Variants in RREB1 observed in about 807,000 individuals in gnomAD.
The protein encoded by RREB1 is ras-responsive element-binding protein 1.
RREB1 carries 27 observed loss-of-function variants against 117.8 expected under a neutral mutation model. That is an observed-to-expected ratio of 0.23 (90% confidence interval 0.17 to 0.32). The LOEUF is 0.32. Among genes scored for constraint, RREB1 ranks in the 10% least tolerant of loss-of-function variants. The probability of loss-of-function intolerance (pLI) is 1.00; values close to 1 mark genes in which losing one functional copy is unlikely to be tolerated. For synonymous variants in RREB1, 1,298 were observed against 1,026.7 expected (o/e 1.26, Z -5.05); for missense variants, 2,577 against 2,378.2 (o/e 1.08, Z -1.74).
At chr6:7,166,901 T>C (rs574805711) in intron 1 of RREB1, among the ~76,000 whole-genome samples, 3 of 152,168 alleles carry the variant, frequency 2.0e-5, no homozygotes, top group African/African-American at 7.2e-5. Context: ...TGTGAAAGAG[T>C]TGCAGGATAT....
chr6:7,170,268 T>G (rs754645907), intron 1 of RREB1, among the ~76,000 whole-genome samples: 1 of 152,206 alleles, frequency 6.6e-6, no homozygotes, highest in Admixed American at 6.5e-5. Context: ...CATTAAGAGA[T>G]AAACTGTAGT....
chr6:7,175,533 T>C (rs985435159), intron 1 of RREB1, among the ~76,000 whole-genome samples: 1 of 152,208 alleles, frequency 6.6e-6, no homozygotes, highest in Non-Finnish European at 1.5e-5. Context: ...TGAGAAAATA[T>C]GCCAAGCAGT....
intron 1 of RREB1, among the ~76,000 whole-genome samples, chr6:7,109,091 C>G (rs934706925): frequency 3.3e-5 from 5 of 151,730 alleles, no homozygotes; most frequent in African/African-American, 1.2e-4. Context: ...CGAGGCGGGG[C>G]CGGCCGCCGG....
intron 1 of RREB1, among the ~76,000 whole-genome samples, chr6:7,145,081 A>C (rs1762799438): frequency 6.6e-6 from 1 of 152,220 alleles, no homozygotes; most frequent in Admixed American, 6.5e-5. Context: ...TAAAAAAGAC[A>C]CCCATTCTTT....
intron 1 of RREB1, among the ~76,000 whole-genome samples, chr6:7,115,915 A>G (rs751785063): frequency 2.0e-5 from 3 of 151,980 alleles, no homozygotes; most frequent in South Asian, 2.1e-4. Flanking sequence ...TCCTGCCCCA[A>G]TGTTCGATCA....
rs191720840 is a variant in RREB1 at position 7,162,068 on chromosome 6, C to T, written c.-284-14587C>T. Among the ~76,000 whole-genome samples the T allele has an allele frequency of 1.7e-4, 26 of 152,224 alleles. No individual in the cohort carries two copies. The East Asian group carries it at 5.0e-3, about 29-fold the overall frequency. Reference sequence around the variant, plus strand: ...TCTGCCAGCCGCATCTTTGCCATTTCCCCCACTGCACTCTCCCTCCTTTCT... The same window carrying T: ...TCTGCCAGCCGCATCTTTGCCATTTTCCCCACTGCACTCTCCCTCCTTTCT... On this transcript the variant is annotated intron_variant, in intron 1 of 12. Transcript: ENST00000379938.
Position 7,231,543 on chromosome 6 carries a change from C to T in RREB1, c.3444C>T (p.Gly1148=), listed in dbSNP as rs1230058136. 4 of 1,609,238 alleles carry T rather than the reference C, an allele frequency of 2.5e-6. No homozygotes were observed. The highest frequency in any genetic ancestry group is 1.3e-5 in the African/African-American group (1 of 74,872). ...CTCCCACCGAGCAGGGCCCAGCGGG[C>T]ACGTCGAAGAAGAGGGGCCGGAAAA... ...AASPTEQGPA[G]TSKKRGRKRG... Residue 1148 remains glycine, a synonymous_variant, in exon 10 of 13, where the codon GGC becomes GGT. Coordinates refer to ENST00000379938, the MANE Select transcript of RREB1 (RefSeq NM_001003699.4).
intron 8 of RREB1, 76 bp downstream of exon 8, chr6:7,211,785 C>T (rs1188955446): frequency 5.6e-5 from 82 of 1,461,010 alleles, no homozygotes; most frequent in Middle Eastern, 1.7e-4. Context: ...AGTCCCGTTA[C>T]TCCACACCGG....
intron 1 of RREB1, among the ~76,000 whole-genome samples, chr6:7,137,784 C>T (rs917423133): frequency 2.0e-5 from 3 of 152,014 alleles, no homozygotes; most frequent in Admixed American, 6.6e-5. Context: ...CCTAGCTCCT[C>T]CTCTTCCTCT....
At chr6:7,131,480 A>G (rs752268667) in intron 1 of RREB1, among the ~76,000 whole-genome samples, 2 of 152,146 alleles carry the variant, frequency 1.3e-5, no homozygotes, top group Non-Finnish European at 2.9e-5. Context: ...TTAAAAGTTC[A>G]CTGTTATTTC....
At chr6:7,169,821 T>A (rs1258019762) in intron 1 of RREB1, among the ~76,000 whole-genome samples, 1 of 152,176 alleles carries the variant, frequency 6.6e-6, no homozygotes, top group African/African-American at 2.4e-5. Context: ...CACAGGATGG[T>A]TTTATCTGGC....
rs200693448 is a variant in RREB1 at position 7,151,291 on chromosome 6, T to TC, written c.-284-25363dup. ...CTGAGGCCCAAAGAGAAGAATTTGA[T>TC]CAATTGATTTAAGGTTGTTGGAGGA... On this transcript the variant is annotated intron_variant, in intron 1 of 12. Coordinates refer to ENST00000379938, the MANE Select transcript of RREB1 (RefSeq NM_001003699.4). Among the ~76,000 whole-genome samples, 14 of 152,302 alleles carry TC rather than the reference T, an allele frequency of 9.2e-5. No individual in the cohort carries two copies. In the East Asian group the frequency reaches 2.1e-3, roughly 23 times the overall value.
At chr6:7,237,941 C>T (rs1432676973) in intron 10 of RREB1, among the ~76,000 whole-genome samples, 1 of 152,164 alleles carries the variant, frequency 6.6e-6, no homozygotes, top group African/African-American at 2.4e-5. Flanking sequence ...CTCATGGGGA[C>T]GTCAGCCTGG....
At chr6:7,120,815 T>A (rs1251015443) in intron 1 of RREB1, among the ~76,000 whole-genome samples, 1 of 131,482 alleles carries the variant, frequency 7.6e-6, no homozygotes, top group African/African-American at 3.2e-5. Flanking sequence ...CTTGGCTAAT[T>A]TTTTTTTTTT....
intron 9 of RREB1, among the ~76,000 whole-genome samples, chr6:7,227,191 A>G (rs1238097392): frequency 6.6e-6 from 1 of 152,082 alleles, no homozygotes; most frequent in Non-Finnish European, 1.5e-5. Flanking sequence ...GCATTGAGCC[A>G]TGATCGTGCC....
chr6:7,243,724 G>C (rs1316793327), intron 11 of RREB1, among the ~76,000 whole-genome samples: 7 of 152,310 alleles, frequency 4.6e-5, no homozygotes, highest in Admixed American at 3.9e-4. Context: ...GCCTTTCATT[G>C]TACTCCGGGT....
chr6:7,228,741 C>T (rs909457394), intron 9 of RREB1, among the ~76,000 whole-genome samples: 2 of 151,922 alleles, frequency 1.3e-5, no homozygotes, highest in Admixed American at 6.6e-5. Context: ...CTCCTGGCCT[C>T]AAGTGATCCT....
chr6:7,120,549 C>A (rs1328269973), intron 1 of RREB1, among the ~76,000 whole-genome samples: 3 of 152,182 alleles, frequency 2.0e-5, no homozygotes, highest in South Asian at 2.1e-4. Flanking sequence ...GGGGAAAAAA[C>A]CAATGGCTGC....
At chr6:7,195,291 G>T (rs1269588101) in intron 6 of RREB1, among the ~76,000 whole-genome samples, 1 of 152,034 alleles carries the variant, frequency 6.6e-6, no homozygotes, top group Non-Finnish European at 1.5e-5. Context: ...AGAACATTTG[G>T]GTTTTGGTAA....
Sources: allele counts gnomAD v4.1 joint callset (sites outside exome capture counted in the v4.1 genomes callset), GRCh38; gene constraint gnomAD v4.1.1; transcripts MANE v1.5; gene names NCBI Gene and HGNC (gene_info 2026-07-23, HGNC 2026-07-21).